C6orf89: variants seen among roughly 807,000 people sequenced by gnomAD.
The protein encoded by C6orf89 is chromosome 6 open reading frame 89.
In C6orf89, 29 loss-of-function variants were observed where a neutral mutation model predicts 40.7. The ratio of observed to expected loss-of-function variants is 0.71; its 90% CI spans 0.53 to 0.97. The LOEUF (loss-of-function observed/expected upper bound fraction) is 0.97, where lower values mean the gene tolerates loss of function less well. Among genes scored for constraint, C6orf89 ranks in the 50% least tolerant of loss-of-function variants. C6orf89 has a pLI of 0.00. For missense variants in C6orf89, 392 were observed against 429.1 expected, an observed-to-expected ratio of 0.91 and a Z score of 0.76; for synonymous variants, 165 against 152.2, an observed-to-expected ratio of 1.08 and a Z score of -0.62.
At chr6:36,900,933 G>A (rs769331393) in intron 3 of C6orf89, among the ~76,000 whole-genome samples, 21 of 151,692 alleles carry the variant, frequency 1.4e-4, no homozygotes, top group African/African-American at 4.4e-4. Context: ...TGCAACCTCC[G>A]CCTCCCAGGT....
At chr6:36,887,683 G>A (rs971674414) in intron 1 of C6orf89, among the ~76,000 whole-genome samples, 1 of 152,180 alleles carries the variant, frequency 6.6e-6, no homozygotes, top group Non-Finnish European at 1.5e-5. Context: ...CAGGTAGGCA[G>A]TGACCAGATC....
rs1226499947 is a variant in C6orf89 at position 36,899,487 on chromosome 6, T to G, written c.43T>G (p.Ser15Ala). The G allele has an allele frequency of 2.5e-6, 4 of 1,614,188 alleles. No individual in the cohort carries two copies. The South Asian group carries it at 4.4e-5, about 18-fold the overall frequency. The change falls in exon 3 of 9, where the codon TCA (serine) becomes GCA (alanine). Residue 15 changes from serine to alanine, a missense_variant. By Grantham distance (99) the Ser-to-Ala change is moderately conservative. Coordinates refer to ENST00000480824, the MANE Select transcript of C6orf89 (RefSeq NM_001286635.2). ...CGAGATCAGCATTTATGACAAACTT[T>G]CAGAGACTGTTGATTTGGTGAGACA... ...ANEISIYDKL[S>A]ETVDLVRQTG...
At chr6:36,920,930 C>T (rs1025298147) in intron 8 of C6orf89, among the ~76,000 whole-genome samples, 9 of 151,878 alleles carry the variant, frequency 5.9e-5, no homozygotes, top group African/African-American at 1.5e-4. Context: ...TCCAGACTTC[C>T]GGCTCCCACG....
At chr6:36,891,503 T>C (rs1380550772) in intron 1 of C6orf89, among the ~76,000 whole-genome samples, 1 of 152,248 alleles carries the variant, frequency 6.6e-6, no homozygotes, top group African/African-American at 2.4e-5. Flanking sequence ...CCTTTGGGTA[T>C]ATACCCAGTA....
intron 7 of C6orf89, among the ~76,000 whole-genome samples, chr6:36,918,722 A>G (rs1202847829): frequency 6.6e-6 from 1 of 152,208 alleles, no homozygotes; most frequent in Non-Finnish European, 1.5e-5. Flanking sequence ...TTCTGTCATC[A>G]TCAAGGTAAG....
At chr6:36,909,150 A>C (rs1478866563) in intron 4 of C6orf89, among the ~76,000 whole-genome samples, 1 of 149,848 alleles carries the variant, frequency 6.7e-6, no homozygotes, top group South Asian at 2.1e-4. Context: ...TGACTCTTCT[A>C]TAATTTAACC....
At chr6:36,890,792 A>G (rs1583153061) in intron 1 of C6orf89, among the ~76,000 whole-genome samples, 1 of 152,058 alleles carries the variant, frequency 6.6e-6, no homozygotes, top group East Asian at 1.9e-4. Context: ...ACCCGCCTCA[A>G]CCTCCCAAAG....
chr6:36,915,419 T>G (rs1762278850), intron 6 of C6orf89, among the ~76,000 whole-genome samples: 1 of 152,142 alleles, frequency 6.6e-6, no homozygotes, highest in Non-Finnish European at 1.5e-5. Context: ...AAAGTAGGAA[T>G]GATTGTTGTC....
At chr6:36,919,334 TAGG>T (rs1762432205) in intron 7 of C6orf89, among the ~76,000 whole-genome samples, 2 of 152,222 alleles carry the variant, frequency 1.3e-5, no homozygotes, top group Non-Finnish European at 2.9e-5. Flanking sequence ...AGTGCCTCTT[TAGG>T]AGAACCCATA....
rs1762672128 is a variant in C6orf89, at chr6:36,926,329, T to A, written c.*2888T>A. 1 of 151,552 alleles carries A rather than the reference T, an allele frequency of 6.6e-6. No homozygotes were observed. Among genetic ancestry groups the A allele is most frequent in the South Asian group, 2.1e-4 (1 of 4,792 alleles). The allele number at this position is 151,552 out of a possible 1,614,324, so 9.4% of individuals were successfully genotyped here. A position where few individuals can be genotyped will look rare whatever the true frequency, so the allele number is the denominator to read the frequency against. On this transcript the variant is annotated 3_prime_UTR_variant, in exon 9 of 9. Transcript: ENST00000480824. ...AGGCAGATCACTTGAGGTCAGGAGTTCAAGACCAGCCTGGCCAACAGGGTG... is the reference window on the plus strand; with the variant it reads ...AGGCAGATCACTTGAGGTCAGGAGTACAAGACCAGCCTGGCCAACAGGGTG...
intron 1 of C6orf89, among the ~76,000 whole-genome samples, chr6:36,872,901 A>G (rs991153427): frequency 1.3e-5 from 2 of 152,184 alleles, no homozygotes; most frequent in African/African-American, 4.8e-5. Flanking sequence ...GAGCTATGGC[A>G]CCTGGCCAGA....
rs1482966873 is a variant in C6orf89, at chr6:36,899,517, G to A, written c.73G>A (p.Gly25Ser). 8 of 1,613,862 alleles carry A rather than the reference G, an allele frequency of 5.0e-6. No individual in the cohort carries two copies. The highest frequency in any genetic ancestry group is 2.2e-5 in the East Asian group (1 of 44,888). Residue 25 changes from glycine (G) to serine (S), a missense_variant, in exon 3 of 9, where the codon GGC (glycine) becomes AGC (serine). Coordinates refer to ENST00000480824, the MANE Select transcript of C6orf89 (RefSeq NM_001286635.2). Reference sequence around the variant, plus strand: ...GACTGTTGATTTGGTGAGACAGACCGGCCATCAGTGTGGCATGTCAGAGAA... The same window carrying A: ...GACTGTTGATTTGGTGAGACAGACCAGCCATCAGTGTGGCATGTCAGAGAA... ...SETVDLVRQT[G>S]HQCGMSEKAI... is the part of the protein sequence containing the mutation.
At chr6:36,903,188 C>G (rs1326285309) in intron 4 of C6orf89, among the ~76,000 whole-genome samples, 2 of 152,160 alleles carry the variant, frequency 1.3e-5, no homozygotes, top group Admixed American at 1.3e-4. Context: ...GAGTTCAAGA[C>G]CAGCCTGGGC....
At chr6:36,895,188 T>C (rs1052167584) in intron 2 of C6orf89, among the ~76,000 whole-genome samples, 1 of 152,164 alleles carries the variant, frequency 6.6e-6, no homozygotes, top group Non-Finnish European at 1.5e-5. Context: ...GAGAATTTTG[T>C]GATTACAAAA....
chr6:36,924,085 A>C lies in C6orf89; in HGVS notation c.*644A>C. 1 of 156,560 alleles carries C rather than the reference A, an allele frequency of 6.4e-6. No homozygotes were observed. The highest frequency in any genetic ancestry group is 1.4e-5 in the Non-Finnish European group (1 of 70,404). The allele number at this position is 156,560 out of a possible 1,614,324, so 9.7% of individuals were successfully genotyped here. ...GATTATATAATAATTCAAAATGGTA[A>C]CTCCCAAGGTAATGCTTTCTTCCAT... On this transcript the variant is annotated 3_prime_UTR_variant, in exon 9 of 9. Coordinates refer to ENST00000480824, the MANE Select transcript of C6orf89 (RefSeq NM_001286635.2).
Position 36,914,482 on chromosome 6 carries a change from G to C in C6orf89, c.555+47G>C, listed in dbSNP as rs779469324. 1.9e-6 allele frequency: 3 copies of C among 1,612,400 alleles called. No homozygotes were observed. In the African/African-American group the frequency reaches 4.0e-5, roughly 22 times the overall value. On this transcript the variant is annotated intron_variant, in intron 5 of 8. Transcript: ENST00000480824. ...CCGCTGATTGGCTGCTTGCTTAAAG[G>C]CTAGGTCAAGCTCTAGGAAATTTCT...
chr6:36,886,307 A>G (rs562018024), intron 1 of C6orf89, among the ~76,000 whole-genome samples: 1 of 152,330 alleles, frequency 6.6e-6, no homozygotes, highest in Admixed American at 6.5e-5. Flanking sequence ...CTCAGGCATC[A>G]CAGCAGTGTC....
chr6:36,874,975 C>G, intron 1 of C6orf89: 1 of 592,522 alleles, frequency 1.7e-6, no homozygotes, highest in Non-Finnish European at 3.0e-6. Flanking sequence ...GGCTCAAGAA[C>G]AGAGGAAAAT....
upstream of C6orf89, among the ~76,000 whole-genome samples, chr6:36,882,862 C>T (rs1022665081): frequency 2.0e-5 from 3 of 151,410 alleles, no homozygotes; most frequent in Non-Finnish European, 3.0e-5. Context: ...CTCAGCCTCC[C>T]GAGTAGCTGG....
Sources: allele counts gnomAD v4.1 joint callset (sites outside exome capture counted in the v4.1 genomes callset), GRCh38; gene constraint gnomAD v4.1.1; transcripts MANE v1.5; gene names NCBI Gene and HGNC (gene_info 2026-07-23, HGNC 2026-07-21).